Variants in SULF2 observed in about 807,000 individuals in gnomAD.
The protein encoded by SULF2 is sulfatase 2, also known as extracellular sulfatase Sulf-2.
SULF2 carries 52 observed loss-of-function variants against 107.7 expected under a neutral mutation model. The ratio of observed to expected loss-of-function variants is 0.48; its 90% CI spans 0.39 to 0.61. SULF2 has a LOEUF of 0.61. Ranked by LOEUF, SULF2 falls within the 20% of genes least tolerant of loss-of-function variation. SULF2 has a pLI of 0.00. For synonymous variants in SULF2, 460 were observed against 464.3 expected (o/e 0.99, Z 0.12); for missense variants, 993 against 1,177.3 (o/e 0.84, Z 2.29).
At chr20:47,662,368 T>C (rs2087105743) in intron 17 of SULF2, among the ~76,000 whole-genome samples, 1 of 152,110 alleles carries the variant, frequency 6.6e-6, no homozygotes, top group Non-Finnish European at 1.5e-5. Flanking sequence ...AGTATGAGGG[T>C]GAACCTATCT....
At chr20:47,658,497 G>T in intron 20 of SULF2, 105 bp from the exon 21 acceptor site, 1 of 1,226,182 alleles carries the variant, frequency 8.2e-7, no homozygotes, top group Non-Finnish European at 1.2e-6. Flanking sequence ...AGGCTGCTGA[G>T]AATGAATATT....
intron 5 of SULF2, among the ~76,000 whole-genome samples, chr20:47,687,400 G>A (rs568412345): frequency 2.6e-5 from 4 of 152,200 alleles, no homozygotes; most frequent in Non-Finnish European, 2.9e-5. Flanking sequence ...GGAATATCTG[G>A]TGCGTTCACA....
rs146322859 is a variant in SULF2, at chr20:47,771,939, C to T, written c.-101+13404G>A. Reference sequence around the variant, plus strand: ...AGGCAGCTCCCCAGGAAGTTTCTGGCAAGATGGCAGCTTCCAGGGCAGGGG... The same window carrying T: ...AGGCAGCTCCCCAGGAAGTTTCTGGTAAGATGGCAGCTTCCAGGGCAGGGG... On this transcript the variant is annotated intron_variant, in intron 1 of 20. Coordinates refer to ENST00000688720, the MANE Select transcript of SULF2 (RefSeq NM_001387048.1). Among the ~76,000 whole-genome samples, 1,336 of 152,314 alleles carry T rather than the reference C, an allele frequency of 8.8e-3. 8 individuals carry two copies. The highest frequency in any genetic ancestry group is 0.014 in the Non-Finnish European group (935 of 68,028).
chr20:47,713,594 C>G (rs1600549320), intron 3 of SULF2, among the ~76,000 whole-genome samples: 2 of 151,586 alleles, frequency 1.3e-5, no homozygotes, highest in East Asian at 3.9e-4. Flanking sequence ...ATAAAGAACT[C>G]TGAAAAAGGG....
chr20:47,676,629 G>A lies in SULF2; in HGVS notation c.1251-6C>T. 1.9e-6 allele frequency: 3 copies of A among 1,550,148 alleles called. No homozygotes were observed. The highest frequency in any genetic ancestry group is 2.6e-6 in the Non-Finnish European group (3 of 1,147,388). ...CTCTCTTGTGTAGCAGCTTGCTATG[G>A]GGCAGAGAGCAGGAGCCGCGGGGCC... On this transcript the variant is annotated splice_polypyrimidine_tract_variant and splice_region_variant and intron_variant, in intron 9 of 20. Coordinates refer to ENST00000688720, the MANE Select transcript of SULF2 (RefSeq NM_001387048.1).
intron 1 of SULF2, among the ~76,000 whole-genome samples, chr20:47,761,951 G>A (rs1296437413): frequency 6.6e-6 from 1 of 152,214 alleles, no homozygotes; most frequent in African/African-American, 2.4e-5. Flanking sequence ...TAAGTCTCAT[G>A]AGATCTGACG....
At chr20:47,724,110 C>T (rs2089370794) in intron 3 of SULF2, among the ~76,000 whole-genome samples, 1 of 152,200 alleles carries the variant, frequency 6.6e-6, no homozygotes, top group Non-Finnish European at 1.5e-5. Context: ...GGTGAGCACA[C>T]CCAGGCCAAA....
chr20:47,704,543 G>A (rs1024476705), intron 3 of SULF2, among the ~76,000 whole-genome samples: 2 of 152,224 alleles, frequency 1.3e-5, no homozygotes, highest in African/African-American at 4.8e-5. Flanking sequence ...AAGGTGCTGA[G>A]ATGACAGGCG....
At chr20:47,763,029 C>T (rs1402753537) in intron 1 of SULF2, among the ~76,000 whole-genome samples, 1 of 152,210 alleles carries the variant, frequency 6.6e-6, no homozygotes, top group Admixed American at 6.5e-5. Flanking sequence ...ACAAGGGATT[C>T]TGCCTTGTTT....
At chr20:47,715,634 C>T (rs2089092939) in intron 3 of SULF2, among the ~76,000 whole-genome samples, 1 of 149,288 alleles carries the variant, frequency 6.7e-6, no homozygotes, top group Admixed American at 6.7e-5. Context: ...CAGGCTGGGG[C>T]GCAATGGCAC....
Position 47,678,864 on chromosome 20 carries a change from T to TG in SULF2, c.1065-61dup. On this transcript the variant is annotated intron_variant, in intron 7 of 20. Transcript: ENST00000688720. The surrounding 1 kb of genome is among the most constrained non-coding windows in gnomAD (Gnocchi z 4.5). ...CAGGTGGTGGTGCCTCAGCCTCGCG[T>TG]GGGGGGTGGGGAGCGGTAGGTGGGC... The TG allele has an allele frequency of 2.0e-6, 3 of 1,496,542 alleles. No homozygotes were observed. Among genetic ancestry groups the TG allele is most frequent in the Non-Finnish European group, 2.8e-6 (3 of 1,084,950 alleles). The allele number at this position is 1,496,542 out of a possible 1,614,324, so 92.7% of individuals were successfully genotyped here.
chr20:47,713,586 A>G (rs2089005614), intron 3 of SULF2, among the ~76,000 whole-genome samples: 1 of 151,948 alleles, frequency 6.6e-6, no homozygotes, highest in African/African-American at 2.4e-5. Flanking sequence ...GATTGTGCAT[A>G]AAGAACTCTG....
At chr20:47,711,357 T>C (rs559212729) in intron 3 of SULF2, among the ~76,000 whole-genome samples, 1 of 152,302 alleles carries the variant, frequency 6.6e-6, no homozygotes, top group South Asian at 2.1e-4. Context: ...TTGTTGGCAA[T>C]GAAACGACAG....
intron 2 of SULF2, among the ~76,000 whole-genome samples, chr20:47,748,513 G>A (rs966373980): frequency 6.6e-6 from 1 of 152,196 alleles, no homozygotes; most frequent in Non-Finnish European, 1.5e-5. Flanking sequence ...CACCCAGCTA[G>A]GAAACATTTC....
intron 4 of SULF2, among the ~76,000 whole-genome samples, chr20:47,700,991 G>T (rs1486408947): frequency 6.6e-6 from 1 of 152,126 alleles, no homozygotes; most frequent in Non-Finnish European, 1.5e-5. Flanking sequence ...ATCCTTCTTT[G>T]GGTGTATAAC....
At chr20:47,667,568 G>A (rs1367906644) in intron 11 of SULF2, among the ~76,000 whole-genome samples, 8 of 152,326 alleles carry the variant, frequency 5.3e-5, no homozygotes, top group Non-Finnish European at 8.8e-5. Context: ...AGGACGGGCC[G>A]GGGATGGGCG....
rs755854974 is a variant in SULF2, at chr20:47,676,513, G to A, written c.1361C>T (p.Ala454Val). ...DLCQRAEYQT[A>V]CEQLGQKWQC... ...TCTTACCTGTCCCAGCTGCTCACAC[G>A]CCGTCTGGTACTCAGCACGCTGACA... The change falls in exon 10 of 21, where the codon GCG becomes GTG. Residue 454 changes from alanine to valine, a missense_variant. Coordinates refer to ENST00000688720, the MANE Select transcript of SULF2 (RefSeq NM_001387048.1). 3.7e-6 allele frequency: 6 copies of A among 1,606,570 alleles called. No individual in the cohort carries two copies. The highest frequency in any genetic ancestry group is 1.1e-5 in the South Asian group (1 of 89,624).
chr20:47,742,927 A>ATTTTTTTTTTTTTTTTTTTTTTTTTTTT lies in SULF2; in HGVS notation c.176-6013_176-5986dup, dbSNP rs397837137. Among the ~76,000 whole-genome samples the ATTTTTTTTTTTTTTTTTTTTTTTTTTTT allele has an allele frequency of 2.0e-5, 2 of 99,452 alleles. 1 individual carries two copies. Among genetic ancestry groups the ATTTTTTTTTTTTTTTTTTTTTTTTTTTT allele is most frequent in the African/African-American group, 7.6e-5 (2 of 26,164 alleles). 65.2% of individuals were successfully genotyped at this position (99,452 alleles called of 152,430 possible). On this transcript the variant is annotated intron_variant, in intron 2 of 20. Transcript: ENST00000688720. ...AGGGAGTTTCAGGATTCAAAACATGATTTTTTTTTTTTTTTTTTTTTTTTT... is the reference window on the plus strand; with the variant it reads ...AGGGAGTTTCAGGATTCAAAACATGATTTTTTTTTTTTTTTTTTTTTTTTTTTTTTTTTTTTTTTTTTTTTTTTTTTTT...
intron 4 of SULF2, 50 bp downstream of exon 4, chr20:47,702,469 T>C (rs768939960): frequency 8.8e-6 from 14 of 1,586,822 alleles, no homozygotes; most frequent in African/African-American, 1.3e-5. Context: ...GTTGGGCCTC[T>C]AACTGCTGGG....
Sources: allele counts gnomAD v4.1 joint callset (sites outside exome capture counted in the v4.1 genomes callset), GRCh38; gene constraint gnomAD v4.1.1; non-coding constraint Gnocchi (gnomAD v3.1); transcripts MANE v1.5; gene names NCBI Gene and HGNC (gene_info 2026-07-23, HGNC 2026-07-21).